HAPLN1: variants seen among roughly 807,000 people sequenced by gnomAD.
The protein encoded by HAPLN1 is hyaluronan and proteoglycan link protein 1, also known as Cartilage link protein.
HAPLN1 carries 13 observed loss-of-function variants against 36.5 expected under a neutral mutation model. The observed-to-expected ratio is 0.36, with a 90% CI of 0.23 to 0.57. The LOEUF is 0.57. Among genes scored for constraint, HAPLN1 ranks in the 20% least tolerant of loss-of-function variants. The probability of loss-of-function intolerance (pLI) is 0.83; values close to 1 mark genes in which losing one functional copy is unlikely to be tolerated. For synonymous variants in HAPLN1, 202 were observed against 169.8 expected, an observed-to-expected ratio of 1.19 and a Z score of -1.48; for missense variants, 407 against 439.7, an observed-to-expected ratio of 0.93 and a Z score of 0.66.
At chr5:83,653,457 T>C (rs1419413014) in intron 2 of HAPLN1, among the ~76,000 whole-genome samples, 3 of 152,236 alleles carry the variant, frequency 2.0e-5, no homozygotes, top group Non-Finnish European at 4.4e-5. Context: ...TAGACAAAGG[T>C]AATTTTAATA....
chr5:83,661,885 G>A (rs975755528), intron 2 of HAPLN1, among the ~76,000 whole-genome samples: 8 of 152,216 alleles, frequency 5.3e-5, no homozygotes, highest in Admixed American at 1.3e-4. Flanking sequence ...GCCATGAAAA[G>A]GCTTTGATGT....
chr5:83,700,477 A>G (rs765238118), intron 1 of HAPLN1, among the ~76,000 whole-genome samples: 8 of 152,122 alleles, frequency 5.3e-5, no homozygotes, highest in East Asian at 1.9e-4. Flanking sequence ...GGACACTGTC[A>G]TCTGGTGCAG....
At chr5:83,686,522 A>C (rs964102389) in intron 1 of HAPLN1, among the ~76,000 whole-genome samples, 1 of 152,174 alleles carries the variant, frequency 6.6e-6, no homozygotes, top group African/African-American at 2.4e-5. Context: ...AGCAACAATA[A>C]AGTAAGAAGG....
At chr5:83,644,275 A>C in intron 4 of HAPLN1, 88 bp downstream of exon 4, 1 of 1,041,088 alleles carries the variant, frequency 9.6e-7, no homozygotes, top group East Asian at 2.9e-5. Flanking sequence ...TTGTTTTTCT[A>C]AGAAGATAAG....
chr5:83,700,684 C>T (rs6877171), intron 1 of HAPLN1, among the ~76,000 whole-genome samples: 19,840 of 149,032 alleles, frequency 0.13, 2,280 homozygotes, highest in African/African-American at 0.31. Flanking sequence ...AGCTAATGCA[C>T]TACCATTCAT....
chr5:83,691,185 C>G (rs1284795150), intron 1 of HAPLN1, among the ~76,000 whole-genome samples: 1 of 152,004 alleles, frequency 6.6e-6, no homozygotes, highest in Non-Finnish European at 1.5e-5. Context: ...AGAGCCTGTT[C>G]AAAAACTTGA....
In HAPLN1 at chr5:83,657,220, C is replaced by T. The variant is rs186196885; in HGVS notation, c.101-4396G>A. 2.8e-3 allele frequency among the ~76,000 whole-genome samples: 432 copies of T among 151,936 alleles called. 5 individuals carry two copies. The highest frequency in any genetic ancestry group is 0.01 in the African/African-American group (416 of 41,416). ...AAGCCATTCTCCTGCCTCAGCCTCC[C>T]GAGTAGCTGGGTTTACAGGTGCGTG... On this transcript the variant is annotated intron_variant, in intron 2 of 4. Transcript: ENST00000274341.
chr5:83,643,785 A>T (rs527624780), intron 4 of HAPLN1, among the ~76,000 whole-genome samples: 3 of 152,318 alleles, frequency 2.0e-5, no homozygotes, highest in South Asian at 4.1e-4. Context: ...TGCACAAATG[A>T]TGTGGCTGGT....
chr5:83,683,399 T>C (rs753311720), intron 1 of HAPLN1, among the ~76,000 whole-genome samples: 1 of 152,118 alleles, frequency 6.6e-6, no homozygotes, highest in Non-Finnish European at 1.5e-5. Flanking sequence ...CTAACAAAGT[T>C]AAGAGGAAAC....
intron 1 of HAPLN1, among the ~76,000 whole-genome samples, chr5:83,695,377 C>T (rs189359595): frequency 5.3e-5 from 8 of 151,920 alleles, no homozygotes; most frequent in Admixed American, 1.3e-4. Context: ...CTACCTGCCT[C>T]GGCCTCCCAA....
chr5:83,643,482 C>T lies in HAPLN1; in HGVS notation c.775+881G>A, dbSNP rs572700409. On this transcript the variant is annotated intron_variant, in intron 4 of 4. Transcript: ENST00000274341. ...CAGGGCTTGCTTCATGGGTGTGTGA[C>T]CTGTGCCACCACACAGGGCCCCACA... Among the ~76,000 whole-genome samples, 9 of 152,172 alleles carry T rather than the reference C, an allele frequency of 5.9e-5. No homozygotes were observed. The South Asian group carries it at 1.9e-3, about 32-fold the overall frequency.
At chr5:83,687,276 T>C (rs1200684097) in intron 1 of HAPLN1, among the ~76,000 whole-genome samples, 3 of 152,206 alleles carry the variant, frequency 2.0e-5, no homozygotes, top group Non-Finnish European at 4.4e-5. Context: ...GTTCCTCTCA[T>C]GGAGGAGAAT....
At chr5:83,698,882 G>C (rs1029548043) in intron 1 of HAPLN1, among the ~76,000 whole-genome samples, 1 of 151,992 alleles carries the variant, frequency 6.6e-6, no homozygotes, top group Non-Finnish European at 1.5e-5. Flanking sequence ...GATATAGAAG[G>C]TTTCTCCAAA....
chr5:83,701,055 G>T (rs1278940477), intron 1 of HAPLN1, among the ~76,000 whole-genome samples: 1 of 152,120 alleles, frequency 6.6e-6, no homozygotes, highest in Non-Finnish European at 1.5e-5. Context: ...TAATATAAAT[G>T]AGAGTTTTCC....
Position 83,673,482 on chromosome 5 carries a change from C to A in HAPLN1, c.42G>T (p.Trp14Cys). ...LLLLVLISICWADHLSDNYTL... is the reference protein window; with the variant it reads ...LLLLVLISICCADHLSDNYTL... ...TATAGTTGTCTGAAAGATGATCAGCCCAGCAGATTGAAATCAGCACCAGAA... is the reference window on the plus strand; with the variant it reads ...TATAGTTGTCTGAAAGATGATCAGCACAGCAGATTGAAATCAGCACCAGAA... The change falls in exon 2 of 5, where the codon TGG (tryptophan) becomes TGT (cysteine). Residue 14 changes from tryptophan (W) to cysteine (C), a missense_variant. By Grantham distance (215) the Trp-to-Cys change is radical. Coordinates refer to ENST00000274341, the MANE Select transcript of HAPLN1 (RefSeq NM_001884.4). 6.2e-7 allele frequency: 1 copy of A among 1,613,756 alleles called. No homozygotes were observed. Among genetic ancestry groups the A allele is most frequent in the Non-Finnish European group, 8.5e-7 (1 of 1,179,844 alleles).
chr5:83,704,641 T>C lies in HAPLN1; in HGVS notation c.-27+16148A>G, dbSNP rs72772934. On this transcript the variant is annotated intron_variant, in intron 1 of 4. Transcript: ENST00000274341. ...ACAACAGACTTTAAACTAACAAAGA[T>C]CAGAAACTAACGAAGAAGGGCATTA... 0.029 allele frequency among the ~76,000 whole-genome samples: 4,429 copies of C among 152,166 alleles called. 281 individuals are homozygous for C. In the East Asian group the frequency reaches 0.3, roughly 10 times the overall value.
chr5:83,656,939 A>C (rs1253650513), intron 2 of HAPLN1, among the ~76,000 whole-genome samples: 1 of 152,168 alleles, frequency 6.6e-6, no homozygotes, highest in Non-Finnish European at 1.5e-5. Context: ...ACAACTGGAG[A>C]AAAACAATTT....
At chr5:83,697,379 T>G (rs780010463) in intron 1 of HAPLN1, among the ~76,000 whole-genome samples, 1 of 152,180 alleles carries the variant, frequency 6.6e-6, no homozygotes, top group Non-Finnish European at 1.5e-5. Flanking sequence ...TTCATTCTTT[T>G]TATGTGTGAA....
In HAPLN1 at chr5:83,675,008, C is replaced by A. The variant is rs187635856; in HGVS notation, c.-26-1459G>T. Among the ~76,000 whole-genome samples the A allele has an allele frequency of 1.4e-3, 220 of 152,194 alleles. 2 individuals are homozygous for A. Among genetic ancestry groups the A allele is most frequent in the African/African-American group, 4.9e-3 (205 of 41,538 alleles). ...TGTGAAATTTATTTGTCAAGGAAACCAAGAATGTTAGCTTCAAAATTCTAC... is the reference window on the plus strand; with the variant it reads ...TGTGAAATTTATTTGTCAAGGAAACAAAGAATGTTAGCTTCAAAATTCTAC... On this transcript the variant is annotated intron_variant, in intron 1 of 4. Coordinates refer to ENST00000274341, the MANE Select transcript of HAPLN1 (RefSeq NM_001884.4).
Sources: gnomAD v4.1 joint callset for allele counts (sites outside exome capture counted in the v4.1 genomes callset) on GRCh38, gnomAD v4.1.1 for gene constraint, MANE v1.5 for transcripts, NCBI Gene and HGNC (gene_info 2026-07-23, HGNC 2026-07-21) for gene names.